The following GNAI1 variants were observed in gnomAD, a reference collection of about 807,000 sequenced individuals.
The protein encoded by GNAI1 is G protein subunit alpha i1, also known as guanine nucleotide-binding protein G(i) subunit alpha-1.
Under a neutral mutation model 38.9 loss-of-function variants are expected in GNAI1, and 11 were observed. That is an observed-to-expected ratio of 0.28 (90% CI 0.18 to 0.47). The LOEUF (loss-of-function observed/expected upper bound fraction) is 0.47. GNAI1 is among the 20% of genes least tolerant of loss of function. The pLI is 0.99. For missense variants in GNAI1, 317 were observed against 436.9 expected (o/e 0.73, Z 2.45); for synonymous variants, 166 against 145.1 (o/e 1.14, Z -1.04).
chr7:80,165,887 G>A (rs947219916), intron 1 of GNAI1, among the ~76,000 whole-genome samples: 2 of 152,026 alleles, frequency 1.3e-5, no homozygotes, highest in Non-Finnish European at 2.9e-5. Context: ...ATATTATCTC[G>A]TTTGATCTTT....
chr7:80,208,138 G>C (rs1788808992), intron 5 of GNAI1, among the ~76,000 whole-genome samples: 1 of 152,080 alleles, frequency 6.6e-6, no homozygotes, highest in Non-Finnish European at 1.5e-5. Flanking sequence ...TCACTTCTCA[G>C]CATGTCCAAC....
At chr7:80,148,229 T>G (rs1018915495) in intron 1 of GNAI1, among the ~76,000 whole-genome samples, 1 of 152,186 alleles carries the variant, frequency 6.6e-6, no homozygotes, top group African/African-American at 2.4e-5. Context: ...CCACAGTAAT[T>G]TATACTGTGC....
intron 1 of GNAI1, among the ~76,000 whole-genome samples, chr7:80,169,575 A>G (rs774056837): frequency 6.6e-6 from 1 of 152,176 alleles, no homozygotes. Context: ...GGATGACTTC[A>G]TGGAAGGGAA....
chr7:80,179,179 TAATG>T (rs1012952870), intron 1 of GNAI1, among the ~76,000 whole-genome samples: 1 of 152,202 alleles, frequency 6.6e-6, no homozygotes, highest in African/African-American at 2.4e-5. Context: ...GTTAGCAACT[TAATG>T]ACTGTGTTAT....
chr7:80,210,254 C>T (rs1246381518), intron 5 of GNAI1, among the ~76,000 whole-genome samples: 1 of 152,124 alleles, frequency 6.6e-6, no homozygotes, highest in African/African-American at 2.4e-5. Flanking sequence ...GATTTTGCTA[C>T]TACTTTGTTC....
At chr7:80,208,322 A>G (rs377238160) in intron 5 of GNAI1, among the ~76,000 whole-genome samples, 20 of 152,346 alleles carry the variant, frequency 1.3e-4, no homozygotes, top group Admixed American at 7.2e-4. Context: ...TACTTCTAAT[A>G]TAAGTGTAGA....
At chr7:80,177,249 C>T (rs1342031068) in intron 1 of GNAI1, among the ~76,000 whole-genome samples, 2 of 151,842 alleles carry the variant, frequency 1.3e-5, no homozygotes, top group African/African-American at 2.4e-5. Context: ...CCAGGATGGT[C>T]TTGATCTCCT....
At chr7:80,136,094 G>A (rs1355828506) in intron 1 of GNAI1, 1 of 956,940 alleles carries the variant, frequency 1.0e-6, no homozygotes, top group Non-Finnish European at 1.2e-6. Context: ...GCTTTTATTT[G>A]TTCTTAGCAC....
At chr7:80,150,953 C>T (rs1187576756) in intron 1 of GNAI1, among the ~76,000 whole-genome samples, 1 of 152,150 alleles carries the variant, frequency 6.6e-6, no homozygotes, top group Non-Finnish European at 1.5e-5. Flanking sequence ...ATCAGTCCTC[C>T]AGAATGACAG....
At chr7:80,175,485 G>A (rs957707154) in intron 1 of GNAI1, among the ~76,000 whole-genome samples, 4 of 151,186 alleles carry the variant, frequency 2.6e-5, no homozygotes, top group Admixed American at 6.6e-5. Flanking sequence ...AAGATAGACC[G>A]ATGGATTTAA....
intron 1 of GNAI1, among the ~76,000 whole-genome samples, chr7:80,178,582 G>A (rs1006590597): frequency 2.0e-5 from 3 of 152,118 alleles, no homozygotes; most frequent in Non-Finnish European, 2.9e-5. Flanking sequence ...CTCGCTGAAG[G>A]GTCAGATGAT....
At chr7:80,140,742 T>A (rs1787511315) in intron 1 of GNAI1, among the ~76,000 whole-genome samples, 1 of 152,218 alleles carries the variant, frequency 6.6e-6, no homozygotes, top group Non-Finnish European at 1.5e-5. Flanking sequence ...AAATTTTTTT[T>A]AATGAATGTT....
intron 1 of GNAI1, among the ~76,000 whole-genome samples, chr7:80,155,508 A>G (rs1180377055): frequency 2.0e-5 from 3 of 152,212 alleles, no homozygotes; most frequent in Non-Finnish European, 2.9e-5. Flanking sequence ...AAATGATTTC[A>G]TCAGGATTAA....
chr7:80,163,406 T>C (rs1455518325), intron 1 of GNAI1, among the ~76,000 whole-genome samples: 4 of 152,210 alleles, frequency 2.6e-5, no homozygotes, highest in African/African-American at 7.2e-5. Context: ...CTTAATAAGA[T>C]GGTCTGTTCG....
chr7:80,193,444 TG>T (rs1395265577), intron 3 of GNAI1, among the ~76,000 whole-genome samples: 1 of 152,204 alleles, frequency 6.6e-6, no homozygotes, highest in East Asian at 1.9e-4. Flanking sequence ...TTTCAAGGCT[TG>T]CATAGAGCAG....
At chr7:80,136,545 G>C (rs1176760548) in intron 1 of GNAI1, among the ~76,000 whole-genome samples, 2 of 152,142 alleles carry the variant, frequency 1.3e-5, no homozygotes, top group Non-Finnish European at 2.9e-5. Flanking sequence ...GCATTTTAAA[G>C]ACCTGGGTGG....
intron 1 of GNAI1, among the ~76,000 whole-genome samples, chr7:80,166,763 T>G (rs1691203565): frequency 6.6e-6 from 1 of 152,178 alleles, no homozygotes; most frequent in Non-Finnish European, 1.5e-5. Context: ...TGTCATAGAT[T>G]GGGGATGAAA....
intron 1 of GNAI1, among the ~76,000 whole-genome samples, chr7:80,139,562 T>C (rs1177273398): frequency 6.6e-6 from 1 of 152,228 alleles, no homozygotes; most frequent in African/African-American, 2.4e-5. Flanking sequence ...AGGTTTTCTT[T>C]GAATACCTAA....
intron 5 of GNAI1, among the ~76,000 whole-genome samples, chr7:80,206,705 T>C (rs558319413): frequency 6.6e-6 from 1 of 152,034 alleles, no homozygotes; most frequent in Non-Finnish European, 1.5e-5. Context: ...TCTCCCCTTA[T>C]TCGAGGGGAT....
Sources: gnomAD v4.1 joint callset for allele counts (sites outside exome capture counted in the v4.1 genomes callset) on GRCh38, gnomAD v4.1.1 for gene constraint, MANE v1.5 for transcripts, NCBI Gene and HGNC (gene_info 2026-07-23, HGNC 2026-07-21) for gene names.